Variants in PCNX2 observed in about 807,000 individuals in gnomAD.
The protein encoded by PCNX2 is pecanex-like protein 2.
PCNX2 carries 168 observed loss-of-function variants against 223.8 expected under a neutral mutation model. The ratio of observed to expected loss-of-function variants is 0.75; its 90% CI spans 0.66 to 0.85. The LOEUF (loss-of-function observed/expected upper bound fraction) is 0.85, where lower values mean the gene tolerates loss of function less well. Among genes scored for constraint, PCNX2 ranks in the 40% least tolerant of loss-of-function variants. PCNX2 has a pLI of 0.00. For synonymous variants in PCNX2, 1,006 were observed against 1,052.6 expected, an observed-to-expected ratio of 0.96 and a Z score of 0.86; for missense variants, 2,507 against 2,675.5, an observed-to-expected ratio of 0.94 and a Z score of 1.39.
intron 21 of PCNX2, among the ~76,000 whole-genome samples, chr1:233,122,905 A>G (rs575453374): frequency 6.6e-6 from 1 of 152,318 alleles, no homozygotes; most frequent in South Asian, 2.1e-4. Context: ...TAATATAAAT[A>G]CGAGGAAAGC....
In PCNX2 at chr1:233,142,192, A is replaced by G. The variant is rs372031698; in HGVS notation, c.3518-2337T>C. Among the ~76,000 whole-genome samples the G allele has an allele frequency of 2.6e-5, 4 of 152,332 alleles. No individual in the cohort carries two copies. In the East Asian group the frequency reaches 7.7e-4, roughly 29 times the overall value. ...AGTCTAGACATATTAGACATTTTAC[A>G]TATAGATTAAAGGATTTTAATCTGT... On this transcript the variant is annotated intron_variant, in intron 19 of 33. Coordinates refer to ENST00000258229, the MANE Select transcript of PCNX2 (RefSeq NM_014801.4).
At chr1:233,143,362 G>C (rs947385565) in intron 19 of PCNX2, among the ~76,000 whole-genome samples, 4 of 152,206 alleles carry the variant, frequency 2.6e-5, no homozygotes, top group African/African-American at 9.7e-5. Flanking sequence ...AAGATGCAGA[G>C]TCTGATGCAG....
chr1:233,099,856 G>C (rs1316517436), intron 21 of PCNX2, among the ~76,000 whole-genome samples: 1 of 152,176 alleles, frequency 6.6e-6, no homozygotes, highest in Non-Finnish European at 1.5e-5. Flanking sequence ...TTTCCAGTAA[G>C]CAGGGCCGCA....
chr1:233,292,206 T>C lies in PCNX2; in HGVS notation c.153+3120A>G, dbSNP rs201424992. On this transcript the variant is annotated intron_variant, in intron 1 of 33. Transcript: ENST00000258229. ...TGAAACTTTCTTTCTTTCTTTCTTT[T>C]TTTTTTTTTTTTTTTTTTGAGATGG... Among the ~76,000 whole-genome samples, 921 of 136,396 alleles carry C rather than the reference T, an allele frequency of 6.8e-3. 3 individuals are homozygous for C. The highest frequency in any genetic ancestry group is 0.017 in the South Asian group (70 of 4,128). The allele number at this position is 136,396 out of a possible 152,430, so 89.5% of individuals were successfully genotyped here.
At chr1:233,076,165 T>G (rs1673088097) in intron 23 of PCNX2, among the ~76,000 whole-genome samples, 1 of 152,214 alleles carries the variant, frequency 6.6e-6, no homozygotes, top group Non-Finnish European at 1.5e-5. Context: ...GGTTTCGACT[T>G]CTGGCTGTTA....
chr1:233,061,833 A>C (rs1161690516), intron 23 of PCNX2, among the ~76,000 whole-genome samples: 1 of 152,020 alleles, frequency 6.6e-6, no homozygotes, highest in Non-Finnish European at 1.5e-5. Context: ...ATCTTGGCTC[A>C]CTGCAACCTC....
Position 233,000,488 on chromosome 1 carries a change from G to A in PCNX2, c.5145C>T (p.Tyr1715=), listed in dbSNP as rs753076547. ...TCTTCTCGAAGGACTGGATGGCCTCGTAGAGGACTGCTGGGTCTTCATACT... is the reference window on the plus strand; with the variant it reads ...TCTTCTCGAAGGACTGGATGGCCTCATAGAGGACTGCTGGGTCTTCATACT... ...PDEYEDPAVL[Y]EAIQSFEKKV... is the part of the protein sequence containing the mutation. The change falls in exon 30 of 34, where the codon TAC becomes TAT. Residue 1715 remains tyrosine (Y), a synonymous_variant. Transcript: ENST00000258229. The surrounding 1 kb of genome is among the most constrained non-coding windows in gnomAD (Gnocchi z 4.6). 1.7e-5 allele frequency: 27 copies of A among 1,601,788 alleles called. No individual in the cohort carries two copies. Among genetic ancestry groups the A allele is most frequent in the South Asian group, 1.7e-4 (15 of 89,226 alleles).
At chr1:233,269,868 C>T (rs1347307937) in intron 1 of PCNX2, among the ~76,000 whole-genome samples, 1 of 152,122 alleles carries the variant, frequency 6.6e-6, no homozygotes, top group Non-Finnish European at 1.5e-5. Flanking sequence ...GGCTTTAGAA[C>T]CTCCTACTCA....
intron 15 of PCNX2, among the ~76,000 whole-genome samples, chr1:233,188,427 T>A (rs945137100): frequency 5.3e-5 from 8 of 152,218 alleles, no homozygotes; most frequent in African/African-American, 1.9e-4. Flanking sequence ...CTACTGCTTT[T>A]TCTGTCCCTG....
chr1:233,020,019 T>C (rs999344978), intron 26 of PCNX2, among the ~76,000 whole-genome samples: 26 of 152,086 alleles, frequency 1.7e-4, no homozygotes, highest in African/African-American at 6.0e-4. Context: ...CATGGCCTAA[T>C]CACATACCAG....
At chr1:233,138,737 C>T (rs1465574715) in intron 20 of PCNX2, among the ~76,000 whole-genome samples, 1 of 152,142 alleles carries the variant, frequency 6.6e-6, no homozygotes, top group Non-Finnish European at 1.5e-5. Flanking sequence ...AGAATTCTTG[C>T]CCTGGTCTGA....
At chr1:233,124,508 T>C (rs75600708) in intron 21 of PCNX2, among the ~76,000 whole-genome samples, 2,550 of 152,310 alleles carry the variant, frequency 0.017, 29 homozygotes, top group East Asian at 0.044. Context: ...TATTTCAGGA[T>C]AATGAGAATT....
chr1:233,047,544 C>G (rs1280878193), intron 25 of PCNX2: 1 of 276,046 alleles, frequency 3.6e-6, no homozygotes, highest in Non-Finnish European at 5.5e-6. Flanking sequence ...AAAAAAGGAG[C>G]AGGGGTCACT....
chr1:233,100,029 A>G (rs1674393943), intron 21 of PCNX2, among the ~76,000 whole-genome samples: 1 of 152,264 alleles, frequency 6.6e-6, no homozygotes, highest in South Asian at 2.1e-4. Context: ...ATGAAAATGC[A>G]TAATAAACTT....
intron 8 of PCNX2, among the ~76,000 whole-genome samples, chr1:233,240,195 C>T (rs1404850289): frequency 6.6e-6 from 1 of 152,128 alleles, no homozygotes; most frequent in Non-Finnish European, 1.5e-5. Flanking sequence ...ATCCAGCTTG[C>T]CCACCCAAGT....
chr1:233,119,084 C>T (rs1281427169), intron 21 of PCNX2, among the ~76,000 whole-genome samples: 1 of 151,782 alleles, frequency 6.6e-6, no homozygotes, highest in Non-Finnish European at 1.5e-5. Flanking sequence ...GACCAAGGTG[C>T]AAAAGCAATT....
At chr1:233,082,090 A>G (rs567840571) in intron 23 of PCNX2, among the ~76,000 whole-genome samples, 1 of 152,238 alleles carries the variant, frequency 6.6e-6, no homozygotes, top group Admixed American at 6.5e-5. Context: ...CCCTGGGTTA[A>G]TATCGTGGCT....
chr1:233,124,164 G>A (rs1675967048), intron 21 of PCNX2, among the ~76,000 whole-genome samples: 2 of 152,154 alleles, frequency 1.3e-5, no homozygotes, highest in South Asian at 2.1e-4. Context: ...CCAAGCGGCT[G>A]GTATGTAATC....
At chr1:233,202,362 G>A in intron 13 of PCNX2, 4 of 268,206 alleles carry the variant, frequency 1.5e-5, no homozygotes, top group East Asian at 1.2e-4. Context: ...AGAAACTTCT[G>A]GCACAGTTCC....
Sources: gnomAD v4.1 joint callset for allele counts (sites outside exome capture counted in the v4.1 genomes callset) on GRCh38, gnomAD v4.1.1 for gene constraint, Gnocchi (gnomAD v3.1) non-coding constraint, MANE v1.5 for transcripts, NCBI Gene and HGNC (gene_info 2026-07-23, HGNC 2026-07-21) for gene names.